STYK1: variants seen among roughly 807,000 people sequenced by gnomAD.
The protein encoded by STYK1 is STY kinase 1.
In STYK1, 46 loss-of-function variants were observed where a neutral mutation model predicts 48.1. That is an observed-to-expected ratio of 0.96 (90% confidence interval 0.75 to 1.22). The LOEUF is 1.22. Among genes scored for constraint, STYK1 ranks in the 50% most tolerant of loss-of-function variants. The probability of loss-of-function intolerance (pLI) is 0.00; values close to 1 mark genes in which losing one functional copy is unlikely to be tolerated. For missense variants in STYK1, 527 were observed against 521.1 expected, an observed-to-expected ratio of 1.01 and a Z score of -0.11; for synonymous variants, 188 against 189.0, an observed-to-expected ratio of 0.99 and a Z score of 0.04.
rs147546291 is a variant in STYK1 at position 10,629,958 on chromosome 12, T to A, written c.452-284A>T. On this transcript the variant is annotated intron_variant, in intron 5 of 10. Transcript: ENST00000075503. ...GCATTAAAAAGTTATCACTGTCTAG[T>A]CCTTTGGATTAATATCCTTGCTTGT... Among the ~76,000 whole-genome samples, 47 of 152,082 alleles carry A rather than the reference T, an allele frequency of 3.1e-4. 1 individual carries two copies. Among genetic ancestry groups the A allele is most frequent in the African/African-American group, 1.1e-3 (44 of 41,432 alleles).
intron 1 of STYK1, among the ~76,000 whole-genome samples, chr12:10,662,043 C>A (rs1461526589): frequency 3.9e-5 from 6 of 152,148 alleles, no homozygotes; most frequent in African/African-American, 1.4e-4. Flanking sequence ...TAGCCCCTGG[C>A]AATCATGAAT....
intron 3 of STYK1, 130 bp downstream of exon 3, chr12:10,634,437 C>A: frequency 1.9e-5 from 19 of 1,019,680 alleles, no homozygotes; most frequent in Non-Finnish European, 2.8e-5. Flanking sequence ...GGCCTCTAGT[C>A]CCCATCCTTT....
chr12:10,668,988 G>A (rs1404570255), intron 1 of STYK1, among the ~76,000 whole-genome samples: 2 of 152,140 alleles, frequency 1.3e-5, no homozygotes, highest in East Asian at 1.9e-4. Flanking sequence ...GGCTGGTGGG[G>A]AGGACAAAAA....
chr12:10,627,988 A>AT (rs1294694344), intron 6 of STYK1, among the ~76,000 whole-genome samples: 1 of 152,112 alleles, frequency 6.6e-6, no homozygotes, highest in Non-Finnish European at 1.5e-5. Flanking sequence ...TAAAGCAGCA[A>AT]TTTTTCTAGG....
chr12:10,652,655 A>T (rs1230292882), intron 1 of STYK1, among the ~76,000 whole-genome samples: 1 of 152,202 alleles, frequency 6.6e-6, no homozygotes, highest in African/African-American at 2.4e-5. Flanking sequence ...CTTTCAAGCC[A>T]ACTTTACTCA....
At chr12:10,631,014 GGAAGGGGGA>G (rs1947420806) in intron 5 of STYK1, 22 bp downstream of exon 5, 1 of 1,608,402 alleles carries the variant, frequency 6.2e-7, no homozygotes, top group Non-Finnish European at 8.5e-7. Flanking sequence ...TACTGTTAGG[GGAAGGGGGA>G]GTCAAACACT....
chr12:10,668,882 A>G (rs1031717477), intron 1 of STYK1, among the ~76,000 whole-genome samples: 2 of 152,136 alleles, frequency 1.3e-5, no homozygotes, highest in African/African-American at 4.8e-5. Flanking sequence ...CAGCTTCTTT[A>G]GGTCCCTCAT....
intron 1 of STYK1, among the ~76,000 whole-genome samples, chr12:10,666,914 T>A (rs1254397698): frequency 6.6e-6 from 1 of 152,222 alleles, no homozygotes; most frequent in Non-Finnish European, 1.5e-5. Context: ...TTTATAGCAG[T>A]GTGAGAAAGG....
chr12:10,656,412 G>A (rs1947718978), intron 1 of STYK1, among the ~76,000 whole-genome samples: 1 of 152,096 alleles, frequency 6.6e-6, no homozygotes, highest in Non-Finnish European at 1.5e-5. Context: ...GGATCACGAG[G>A]TCAGGAGATA....
intron 7 of STYK1, among the ~76,000 whole-genome samples, chr12:10,626,432 G>C (rs1361682210): frequency 6.6e-6 from 1 of 152,118 alleles, no homozygotes; most frequent in East Asian, 1.9e-4. Context: ...TCCCATGGGA[G>C]CTTCAACCAT....
chr12:10,651,804 G>C (rs1947665527), intron 1 of STYK1, among the ~76,000 whole-genome samples: 1 of 152,080 alleles, frequency 6.6e-6, no homozygotes, highest in South Asian at 2.1e-4. Context: ...CTTCAGTACA[G>C]TTTTCTTACC....
intron 1 of STYK1, among the ~76,000 whole-genome samples, chr12:10,643,768 C>T (rs1252607192): frequency 6.6e-6 from 1 of 152,152 alleles, no homozygotes; most frequent in Non-Finnish European, 1.5e-5. Context: ...TGGATGGGAA[C>T]AGAGCTTGAT....
intron 1 of STYK1, among the ~76,000 whole-genome samples, chr12:10,662,317 C>G (rs1947786001): frequency 6.6e-6 from 1 of 152,212 alleles, no homozygotes; most frequent in Non-Finnish European, 1.5e-5. Flanking sequence ...ATAAAAAATG[C>G]TGCTGTGGAT....
chr12:10,641,202 A>G (rs1344267222), intron 1 of STYK1, among the ~76,000 whole-genome samples: 2 of 151,898 alleles, frequency 1.3e-5, no homozygotes, highest in East Asian at 3.9e-4. Flanking sequence ...CGCCACCCCC[A>G]CTCAGCACAG....
intron 1 of STYK1, among the ~76,000 whole-genome samples, chr12:10,641,809 TC>T (rs1429420990): frequency 6.6e-6 from 1 of 152,148 alleles, no homozygotes; most frequent in Non-Finnish European, 1.5e-5. Context: ...ACAGCCAGGA[TC>T]CAAGGGCAGT....
chr12:10,634,156 A>G, intron 3 of STYK1, 32 bp from the exon 4 acceptor site: 1 of 1,363,144 alleles, frequency 7.3e-7, no homozygotes, highest in South Asian at 1.3e-5. Context: ...AAGAGAAGAG[A>G]ATGAAGAAGC....
At chr12:10,664,313 TC>T (rs1324134033) in intron 1 of STYK1, among the ~76,000 whole-genome samples, 1 of 152,048 alleles carries the variant, frequency 6.6e-6, no homozygotes, top group African/African-American at 2.4e-5. Flanking sequence ...ATCCCTAACT[TC>T]CTATTAATAT....
chr12:10,622,018 G>C, intron 9 of STYK1, 46 bp from the exon 10 acceptor site: 1 of 1,526,428 alleles, frequency 6.6e-7, no homozygotes, highest in East Asian at 2.3e-5. Flanking sequence ...TCTAAAATAT[G>C]AACTGTAACT....
intron 1 of STYK1, among the ~76,000 whole-genome samples, chr12:10,639,708 C>T (rs887155254): frequency 1.3e-5 from 2 of 152,148 alleles, no homozygotes; most frequent in African/African-American, 4.8e-5. Context: ...GCCACTGTAC[C>T]CCACCAAATT....
Sources: gnomAD v4.1 joint callset for allele counts (sites outside exome capture counted in the v4.1 genomes callset) on GRCh38, gnomAD v4.1.1 for gene constraint, MANE v1.5 for transcripts, NCBI Gene and HGNC (gene_info 2026-07-23, HGNC 2026-07-21) for gene names.